The following ADAMTSL1 variants were observed in gnomAD, a reference collection of about 807,000 sequenced individuals.
ADAMTSL1 encodes the protein ADAMTS like 1, also known as ADAMTS-like protein 1.
A neutral mutation model predicts 201.8 loss-of-function variants in ADAMTSL1; 126 were observed. The observed-to-expected ratio is 0.62, with a 90% confidence interval of 0.54 to 0.72. The LOEUF (loss-of-function observed/expected upper bound fraction) is 0.72. Among genes scored for constraint, ADAMTSL1 ranks in the 30% least tolerant of loss-of-function variants. The pLI, the probability that ADAMTSL1 is intolerant of heterozygous loss-of-function variation, is 0.00. For synonymous variants in ADAMTSL1, 1,121 were observed against 903.4 expected (o/e 1.24, Z -4.32); for missense variants, 2,679 against 2,277.8 (o/e 1.18, Z -3.59).
At chr9:18,298,449 A>G (rs7865940) in intron 2 of ADAMTSL1, among the ~76,000 whole-genome samples, 100,894 of 152,000 alleles carry the variant, frequency 0.66, 33,718 homozygotes, top group Admixed American at 0.77. Flanking sequence ...TGTGGCACAA[A>G]GCACTGACTG....
intron 2 of ADAMTSL1, among the ~76,000 whole-genome samples, chr9:18,281,711 C>T (rs1832797256): frequency 6.6e-6 from 1 of 152,160 alleles, no homozygotes; most frequent in African/African-American, 2.4e-5. Flanking sequence ...TTGTTTGTGT[C>T]CATGTTCAAT....
chr9:18,137,314 G>T (rs916344522), intron 1 of ADAMTSL1, among the ~76,000 whole-genome samples: 1 of 152,132 alleles, frequency 6.6e-6, no homozygotes, highest in Non-Finnish European at 1.5e-5. Flanking sequence ...ATTTTTGAAA[G>T]AATTATAATA....
intron 1 of ADAMTSL1, among the ~76,000 whole-genome samples, chr9:18,018,382 C>A (rs1212665886): frequency 6.6e-6 from 1 of 152,086 alleles, no homozygotes; most frequent in Non-Finnish European, 1.5e-5. Flanking sequence ...TCATGCCCTT[C>A]TGTAATCCCT....
At chr9:18,206,519 G>A (rs921459552) in intron 2 of ADAMTSL1, among the ~76,000 whole-genome samples, 2 of 151,866 alleles carry the variant, frequency 1.3e-5, no homozygotes, top group East Asian at 1.9e-4. Context: ...TACTATTATA[G>A]TTTCTAATTA....
intron 21 of ADAMTSL1, among the ~76,000 whole-genome samples, chr9:18,823,761 G>A (rs1824359200): frequency 6.6e-6 from 1 of 152,210 alleles, no homozygotes; most frequent in Non-Finnish European, 1.5e-5. Flanking sequence ...GGCCAAGGCA[G>A]GTGGATCATC....
intron 2 of ADAMTSL1, among the ~76,000 whole-genome samples, chr9:18,186,059 A>G (rs1828718356): frequency 6.6e-6 from 1 of 152,216 alleles, no homozygotes; most frequent in Non-Finnish European, 1.5e-5. Context: ...ATTTTAAGTT[A>G]TGATAAAAGC....
chr9:18,257,310 A>T (rs1831726904), intron 2 of ADAMTSL1, among the ~76,000 whole-genome samples: 1 of 152,204 alleles, frequency 6.6e-6, no homozygotes, highest in Admixed American at 6.5e-5. Flanking sequence ...GATAATGTGA[A>T]AGGCAGAGAA....
intron 3 of ADAMTSL1, among the ~76,000 whole-genome samples, chr9:18,543,047 G>A (rs1008854628): frequency 6.6e-6 from 1 of 152,284 alleles, no homozygotes; most frequent in South Asian, 2.1e-4. Context: ...TATTAGGCTG[G>A]ACAGTCAGGT....
chr9:17,951,343 T>C lies in ADAMTSL1; in HGVS notation c.87+44421T>C, dbSNP rs367620373. ...GCCCAGAGTTTCTCCGGAGTGTCCA[T>C]GTAGAAGTGGAGTTGCTTAGTCTTT... On this transcript the variant is annotated intron_variant, in intron 1 of 29. Coordinates refer to the ADAMTSL1 transcript ENST00000680146. Among the ~76,000 whole-genome samples the C allele has an allele frequency of 1.2e-4, 19 of 152,296 alleles. 2 individuals carry two copies. In the East Asian group the frequency reaches 1.7e-3, roughly 14 times the overall value.
At chr9:18,731,849 T>C (rs1466813139) in intron 15 of ADAMTSL1, among the ~76,000 whole-genome samples, 2 of 152,106 alleles carry the variant, frequency 1.3e-5, no homozygotes, top group Non-Finnish European at 2.9e-5. Context: ...CTCACTATCT[T>C]GAGGATGGTA....
intron 2 of ADAMTSL1, among the ~76,000 whole-genome samples, chr9:18,514,901 C>G (rs1307822418): frequency 1.3e-5 from 2 of 152,150 alleles, no homozygotes; most frequent in African/African-American, 4.8e-5. Flanking sequence ...GTGATGTTAG[C>G]TGAGGACTTT....
chr9:18,892,166 G>C (rs1261975886), intron 25 of ADAMTSL1, among the ~76,000 whole-genome samples: 1 of 152,248 alleles, frequency 6.6e-6, no homozygotes, highest in Non-Finnish European at 1.5e-5. Context: ...ATTACATCTG[G>C]AAAGAACCTT....
At chr9:17,938,389 T>C (rs1472078303) in intron 1 of ADAMTSL1, among the ~76,000 whole-genome samples, 1 of 152,124 alleles carries the variant, frequency 6.6e-6, no homozygotes, top group Admixed American at 6.6e-5. Context: ...TGTGTGAAAG[T>C]GGAAACAATT....
intron 1 of ADAMTSL1, among the ~76,000 whole-genome samples, chr9:17,916,273 G>T (rs1826091234): frequency 6.6e-6 from 1 of 152,088 alleles, no homozygotes; most frequent in Non-Finnish European, 1.5e-5. Context: ...CCAGTCTGTG[G>T]CCTGTCTTTT....
chr9:18,190,796 A>G (rs912527926), intron 2 of ADAMTSL1, among the ~76,000 whole-genome samples: 6 of 152,172 alleles, frequency 3.9e-5, no homozygotes, highest in African/African-American at 7.2e-5. Context: ...GGTTCTTCCC[A>G]TCAGTGTTCA....
chr9:18,150,465 G>T (rs1273847655), intron 1 of ADAMTSL1, among the ~76,000 whole-genome samples: 1 of 152,056 alleles, frequency 6.6e-6, no homozygotes, highest in African/African-American at 2.4e-5. Flanking sequence ...GGAAATTTTA[G>T]TTGGATGATG....
At chr9:17,974,509 A>G (rs56021456) in intron 1 of ADAMTSL1, among the ~76,000 whole-genome samples, 2,004 of 152,016 alleles carry the variant, frequency 0.013, 37 homozygotes, top group African/African-American at 0.046. Context: ...CTTTTGACCA[A>G]CATCTCCCCA....
intron 2 of ADAMTSL1, among the ~76,000 whole-genome samples, chr9:18,282,327 T>C (rs1269371489): frequency 6.6e-6 from 1 of 152,254 alleles, no homozygotes; most frequent in East Asian, 1.9e-4. Context: ...TAGACAATTA[T>C]GTTGGTTCCA....
At chr9:17,984,133 A>G (rs990447959) in intron 1 of ADAMTSL1, among the ~76,000 whole-genome samples, 1 of 152,168 alleles carries the variant, frequency 6.6e-6, no homozygotes, top group Non-Finnish European at 1.5e-5. Flanking sequence ...AAGAATACCA[A>G]AAACTTACTT....
Sources: gnomAD v4.1 joint callset for allele counts (sites outside exome capture counted in the v4.1 genomes callset) on GRCh38, gnomAD v4.1.1 for gene constraint, MANE v1.5 for transcripts, NCBI Gene and HGNC (gene_info 2026-07-23, HGNC 2026-07-21) for gene names.